The following RGS6 variants were observed in gnomAD, a reference collection of about 807,000 sequenced individuals.
RGS6 encodes the protein regulator of G-protein signaling 6.
RGS6 carries 30 observed loss-of-function variants against 78.5 expected under a neutral mutation model. That is an observed-to-expected ratio of 0.38 (90% CI 0.29 to 0.52). RGS6 has a LOEUF of 0.52. RGS6 is among the 20% of genes least tolerant of loss of function. The pLI, the probability that RGS6 is intolerant of heterozygous loss-of-function variation, is 0.85. For missense variants in RGS6, 495 were observed against 609.7 expected (o/e 0.81, Z 1.98); for synonymous variants, 206 against 206.0 (o/e 1.00, Z 0.00).
intron 2 of RGS6, among the ~76,000 whole-genome samples, chr14:72,041,753 A>G (rs1386573456): frequency 1.3e-5 from 2 of 152,214 alleles, no homozygotes; most frequent in African/African-American, 2.4e-5. Flanking sequence ...TGGAGGTCTT[A>G]TAAAGGCATT....
intron 2 of RGS6, among the ~76,000 whole-genome samples, chr14:72,151,736 TCCTAAAAAG>T (rs1422107982): frequency 1.7e-4 from 26 of 152,118 alleles, no homozygotes; most frequent in Admixed American, 1.0e-3. Context: ...ATTTTTATTC[TCCTAAAAAG>T]GGTAAAAAGA....
intron 2 of RGS6, among the ~76,000 whole-genome samples, chr14:72,318,594 CAGTGGAACGAA>C (rs2070980194): frequency 6.6e-6 from 1 of 152,182 alleles, no homozygotes; most frequent in Admixed American, 6.5e-5. Flanking sequence ...TGGCCAAATG[CAGTGGAACGAA>C]AGCTCAGGAA....
chr14:72,401,224 T>C (rs1042989256), intron 3 of RGS6, among the ~76,000 whole-genome samples: 4 of 151,828 alleles, frequency 2.6e-5, no homozygotes, highest in African/African-American at 9.7e-5. Context: ...TTTCCTGGAG[T>C]AGGGGCGGAC....
At chr14:72,015,017 T>C (rs2086651297) in intron 2 of RGS6, among the ~76,000 whole-genome samples, 1 of 152,232 alleles carries the variant, frequency 6.6e-6, no homozygotes, top group Non-Finnish European at 1.5e-5. Context: ...TTTTAACTGC[T>C]GTTTTAGTCC....
chr14:72,346,035 G>T (rs201079788), intron 2 of RGS6, among the ~76,000 whole-genome samples: 1 of 152,144 alleles, frequency 6.6e-6, no homozygotes, highest in African/African-American at 2.4e-5. Flanking sequence ...AAAACAGAAG[G>T]GGTCTTTGCT....
chr14:72,402,124 C>T (rs1045759530), intron 3 of RGS6, among the ~76,000 whole-genome samples: 1 of 152,198 alleles, frequency 6.6e-6, no homozygotes, highest in Admixed American at 6.5e-5. Flanking sequence ...CCACGACCTC[C>T]TGGTGCTGCC....
At chr14:72,229,847 G>A (rs2153808377) in intron 2 of RGS6, among the ~76,000 whole-genome samples, 1 of 152,256 alleles carries the variant, frequency 6.6e-6, no homozygotes, top group Admixed American at 6.5e-5. Context: ...ATGGCCATTG[G>A]CAGATCTGGA....
At chr14:72,175,004 G>A (rs970846585) in intron 2 of RGS6, among the ~76,000 whole-genome samples, 3 of 152,110 alleles carry the variant, frequency 2.0e-5, no homozygotes, top group Non-Finnish European at 4.4e-5. Flanking sequence ...TGTTCTCCAT[G>A]GAATACATTA....
At chr14:72,152,819 G>A (rs1405682938) in intron 2 of RGS6, among the ~76,000 whole-genome samples, 1 of 152,054 alleles carries the variant, frequency 6.6e-6, no homozygotes, top group African/African-American at 2.4e-5. Context: ...TAACATCTGG[G>A]TCCTTGTCAC....
At chr14:72,596,628 A>G in the RGS6 span, among the ~76,000 whole-genome samples, 1 of 152,204 alleles carries the variant, frequency 6.6e-6, no homozygotes, top group South Asian at 2.1e-4. Flanking sequence ...GGAAGAATTG[A>G]CTGCCTTTGA....
chr14:72,297,530 C>G (rs1265996717), intron 2 of RGS6, among the ~76,000 whole-genome samples: 2 of 149,306 alleles, frequency 1.3e-5, no homozygotes, highest in East Asian at 3.9e-4. Context: ...CCCACTAACT[C>G]GTCATCTAGC....
chr14:72,026,205 G>A (rs987197002), intron 2 of RGS6, among the ~76,000 whole-genome samples: 14 of 152,028 alleles, frequency 9.2e-5, no homozygotes, highest in Admixed American at 4.6e-4. Flanking sequence ...TCAGGAGTTC[G>A]AGACTAGCCT....
chr14:72,397,127 T>C (rs1023409030), intron 3 of RGS6, among the ~76,000 whole-genome samples: 10 of 152,212 alleles, frequency 6.6e-5, no homozygotes, highest in South Asian at 2.1e-4. Flanking sequence ...ATCTATAAAT[T>C]ACCTTGGGCA....
intron 2 of RGS6, among the ~76,000 whole-genome samples, chr14:72,228,788 G>A (rs527822125): frequency 6.6e-6 from 1 of 152,346 alleles, no homozygotes; most frequent in South Asian, 2.1e-4. Context: ...GCTCACGCCT[G>A]TAATCCCAGC....
At chr14:71,966,211 CTG>C (rs1380226147) in intron 2 of RGS6, among the ~76,000 whole-genome samples, 12 of 152,126 alleles carry the variant, frequency 7.9e-5, no homozygotes, top group African/African-American at 2.2e-4. Flanking sequence ...CTGAGAGGCT[CTG>C]TGTATTACTT....
chr14:72,387,263 GA>G (rs1452403421), intron 3 of RGS6, among the ~76,000 whole-genome samples: 1 of 152,098 alleles, frequency 6.6e-6, no homozygotes, highest in Non-Finnish European at 1.5e-5. Context: ...AAAAAAGGGA[GA>G]GGGGGCTGGG....
the RGS6 span, among the ~76,000 whole-genome samples, chr14:71,896,815 C>G: frequency 6.6e-6 from 1 of 152,228 alleles, no homozygotes; most frequent in African/African-American, 2.4e-5. Flanking sequence ...AACTTTCTTT[C>G]TCAGTATGTG....
chr14:71,969,341 G>T (rs972150136), intron 2 of RGS6, among the ~76,000 whole-genome samples: 1 of 152,200 alleles, frequency 6.6e-6, no homozygotes, highest in African/African-American at 2.4e-5. Flanking sequence ...TTGAGTAAGA[G>T]TAGGTTGCTT....
chr14:72,481,624 C>G (rs1017895708), intron 12 of RGS6, among the ~76,000 whole-genome samples: 8 of 152,120 alleles, frequency 5.3e-5, no homozygotes, highest in Non-Finnish European at 1.0e-4. Context: ...TAAGTGTCCC[C>G]AAAATGCCAG....
Sources: gnomAD v4.1 joint callset for allele counts (sites outside exome capture counted in the v4.1 genomes callset) on GRCh38, gnomAD v4.1.1 for gene constraint, MANE v1.5 for transcripts, NCBI Gene and HGNC (gene_info 2026-07-23, HGNC 2026-07-21) for gene names.